ELF1: variants seen among roughly 807,000 people sequenced by gnomAD.
The protein encoded by ELF1 is ETS-related transcription factor Elf-1.
In ELF1, 24 loss-of-function variants were observed where a neutral mutation model predicts 59.9. That is an observed-to-expected ratio of 0.40 (90% CI 0.29 to 0.56). ELF1 has a LOEUF of 0.56. ELF1 is among the 20% of genes least tolerant of loss of function. The pLI is 0.44. For synonymous variants in ELF1, 248 were observed against 266.2 expected (o/e 0.93, Z 0.67); for missense variants, 627 against 742.2 (o/e 0.84, Z 1.80).
chr13:40,958,809 G>C, intron 3 of ELF1, 27 bp downstream of exon 3: 3 of 1,585,628 alleles, frequency 1.9e-6, no homozygotes, highest in Non-Finnish European at 2.6e-6. Context: ...GCTGCAGCAA[G>C]GTCCTACTGG....
chr13:41,046,747 C>G (rs781532553), intron 1 of ELF1, among the ~76,000 whole-genome samples: 7 of 152,166 alleles, frequency 4.6e-5, no homozygotes, highest in Admixed American at 6.5e-5. Context: ...TTTGGTGAAT[C>G]TGACGATTAT....
At chr13:41,019,077 T>G (rs1196668039) in intron 1 of ELF1, among the ~76,000 whole-genome samples, 151 bp downstream of exon 1, 1 of 152,124 alleles carries the variant, frequency 6.6e-6, no homozygotes, top group Non-Finnish European at 1.5e-5. Context: ...CCCTAGCAAT[T>G]AAGTTCAATC....
intron 2 of ELF1, among the ~76,000 whole-genome samples, chr13:40,980,308 G>A (rs983380804): frequency 1.3e-5 from 2 of 151,950 alleles, no homozygotes; most frequent in African/African-American, 4.8e-5. Context: ...TACCTTACAT[G>A]GTTAATACTT....
At chr13:41,056,121 C>T (rs1877278913) in intron 1 of ELF1, among the ~76,000 whole-genome samples, 1 of 152,224 alleles carries the variant, frequency 6.6e-6, no homozygotes, top group Admixed American at 6.5e-5. Context: ...TCAGGACTTT[C>T]AATCACCCTA....
At chr13:41,033,712 G>C (rs116788892) in intron 1 of ELF1, among the ~76,000 whole-genome samples, 2 of 152,140 alleles carry the variant, frequency 1.3e-5, no homozygotes, top group Admixed American at 6.5e-5. Flanking sequence ...AATGATTTGA[G>C]GTGGAACAGT....
chr13:40,934,771 A>G (rs1869656654), intron 8 of ELF1, among the ~76,000 whole-genome samples: 1 of 152,204 alleles, frequency 6.6e-6, no homozygotes, highest in Non-Finnish European at 1.5e-5. Context: ...ATCCACAATA[A>G]TTACCAAAAT....
intron 1 of ELF1, among the ~76,000 whole-genome samples, chr13:40,983,280 G>A (rs551356264): frequency 6.6e-6 from 1 of 152,258 alleles, no homozygotes; most frequent in East Asian, 1.9e-4. Context: ...TAAAAAAGAA[G>A]TTGACTCCAA....
chr13:40,974,178 T>C (rs1872758848), intron 2 of ELF1, among the ~76,000 whole-genome samples: 1 of 132,920 alleles, frequency 7.5e-6, no homozygotes, highest in East Asian at 2.0e-4. Context: ...GTATGTGAAT[T>C]ACATTGCAAT....
intron 8 of ELF1, among the ~76,000 whole-genome samples, chr13:40,936,616 T>C (rs1298304914): frequency 6.6e-6 from 1 of 151,306 alleles, no homozygotes; most frequent in Admixed American, 6.6e-5. Flanking sequence ...CTGGGCATAG[T>C]CGGGTGTGGT....
chr13:41,043,322 G>A (rs1388166434), intron 1 of ELF1, among the ~76,000 whole-genome samples: 1 of 152,126 alleles, frequency 6.6e-6, no homozygotes, highest in Admixed American at 6.5e-5. Context: ...GATCCCATTT[G>A]TCAATTTTGG....
At chr13:40,969,401 T>G (rs1039341370) in intron 2 of ELF1, among the ~76,000 whole-genome samples, 2 of 152,222 alleles carry the variant, frequency 1.3e-5, no homozygotes, top group Non-Finnish European at 2.9e-5. Flanking sequence ...GTAACATGCA[T>G]TCCTTCAACC....
At chr13:40,935,933 C>T (rs1331223464) in intron 8 of ELF1, among the ~76,000 whole-genome samples, 1 of 152,036 alleles carries the variant, frequency 6.6e-6, no homozygotes, top group African/African-American at 2.4e-5. Context: ...AGCCACCGTG[C>T]CCAGCCCAGA....
chr13:40,952,237 C>G (rs2138164530), intron 3 of ELF1, among the ~76,000 whole-genome samples: 1 of 152,160 alleles, frequency 6.6e-6, no homozygotes, highest in South Asian at 2.1e-4. Context: ...GTAGTCATAT[C>G]TGGAGGCTTG....
rs1240732947 is a variant in ELF1, at chr13:40,933,832, T to C, written c.1453A>G (p.Met485Val). 1.2e-6 allele frequency: 2 copies of C among 1,614,158 alleles called. No individual in the cohort carries two copies. Among genetic ancestry groups the C allele is most frequent in the Non-Finnish European group, 1.7e-6 (2 of 1,180,052 alleles). ...QPMTVLKENV[M>V]LQSQKAGSPP... ...GAGCCCGCCTTTTGTGACTGCAGCA[T>C]GACATTTTCTTTCAGTACTGTCATG... is the stretch of plus-strand genomic sequence containing the variant. The change falls in exon 9 of 9, where the codon ATG (methionine) becomes GTG (valine). Residue 485 changes from methionine to valine, a missense_variant. Physicochemically the swap from Met to Val is conservative, Grantham distance 21. This residue lies in a region of ELF1 where 361 missense variants were observed against 396.1 expected (regional missense o/e 0.91). Transcript: ENST00000239882.
rs140720559 is a variant in ELF1 at position 40,933,884 on chromosome 13, A to G, written c.1401T>C (p.Ile467=). 1.2e-5 allele frequency: 20 copies of G among 1,614,106 alleles called. No individual in the cohort carries two copies. The African/African-American group carries it at 2.5e-4, about 20-fold the overall frequency. The change falls in exon 9 of 9, where the codon ATT becomes ATC. Residue 467 remains isoleucine, a synonymous_variant. Transcript: ENST00000239882. ...GCTGTGATGATGGAATGGCTTGTAAAATAAACTTCTGAGATCCAGTACCTG... is the reference window on the plus strand; with the variant it reads ...GCTGTGATGATGGAATGGCTTGTAAGATAAACTTCTGAGATCCAGTACCTG... ...PSAGTGSQKF[I]LQAIPSSQPM...
At chr13:41,021,365 G>A (rs979192521), upstream of ELF1, among the ~76,000 whole-genome samples, 6 of 152,186 alleles carry the variant, frequency 3.9e-5, no homozygotes, top group South Asian at 2.1e-4. Context: ...CTAAGGAGAT[G>A]ACTCCAGAGC....
intron 1 of ELF1, among the ~76,000 whole-genome samples, chr13:41,051,658 C>T (rs972376163): frequency 6.6e-6 from 1 of 151,944 alleles, no homozygotes; most frequent in Non-Finnish European, 1.5e-5. Flanking sequence ...ATTCAAAAAA[C>T]TTTAAGTAAT....
chr13:40,977,377 C>G (rs1404247152), intron 2 of ELF1, among the ~76,000 whole-genome samples: 3 of 152,036 alleles, frequency 2.0e-5, no homozygotes, highest in East Asian at 3.9e-4. Context: ...GAACAGACAG[C>G]AACAACAGAG....
intron 2 of ELF1, among the ~76,000 whole-genome samples, chr13:40,961,639 T>G (rs1326463735): frequency 6.6e-6 from 1 of 152,224 alleles, no homozygotes; most frequent in African/African-American, 2.4e-5. Flanking sequence ...AAAGTGTAGC[T>G]AGCCTTCCCT....
Sources: allele counts gnomAD v4.1 joint callset (sites outside exome capture counted in the v4.1 genomes callset), GRCh38; gene constraint gnomAD v4.1.1; regional missense constraint gnomAD v4.1.1; transcripts MANE v1.5; gene names NCBI Gene and HGNC (gene_info 2026-07-23, HGNC 2026-07-21).